SUSD1: variants seen among roughly 807,000 people sequenced by gnomAD.
The protein encoded by SUSD1 is sushi domain-containing protein 1.
SUSD1 carries 65 observed loss-of-function variants against 86.9 expected under a neutral mutation model. The ratio of observed to expected loss-of-function variants is 0.75; its 90% CI spans 0.61 to 0.92. The LOEUF (loss-of-function observed/expected upper bound fraction) is 0.92, where lower values mean the gene tolerates loss of function less well. SUSD1 is among the 40% of genes least tolerant of loss of function. The probability of loss-of-function intolerance (pLI) is 0.00; values close to 1 mark genes in which losing one functional copy is unlikely to be tolerated. For missense variants in SUSD1, 850 were observed against 929.7 expected, an observed-to-expected ratio of 0.91 and a Z score of 1.11; for synonymous variants, 346 against 350.0, an observed-to-expected ratio of 0.99 and a Z score of 0.13.
At chr9:112,164,771 C>T (rs1833708076) in intron 1 of SUSD1, among the ~76,000 whole-genome samples, 3 of 152,144 alleles carry the variant, frequency 2.0e-5, no homozygotes, top group South Asian at 4.2e-4. Context: ...GGTGAAACCC[C>T]ATCTCTACTA....
chr9:112,135,643 T>C (rs1026141590), intron 5 of SUSD1, among the ~76,000 whole-genome samples: 1 of 152,176 alleles, frequency 6.6e-6, no homozygotes, highest in Non-Finnish European at 1.5e-5. Context: ...GGAAAATAAA[T>C]AAATAAGGTA....
intron 8 of SUSD1, among the ~76,000 whole-genome samples, chr9:112,108,813 G>GAAAA (rs796550552): frequency 3.0e-5 from 3 of 98,510 alleles, no homozygotes; most frequent in African/African-American, 3.5e-5. Context: ...AAGAAAGAAA[G>GAAAA]AAAAAAAAAA....
chr9:112,156,032 G>C (rs550682011), intron 2 of SUSD1, among the ~76,000 whole-genome samples: 1 of 151,566 alleles, frequency 6.6e-6, no homozygotes, highest in African/African-American at 2.4e-5. Flanking sequence ...AGAGAGAGAA[G>C]GAAGAGAAGA....
Position 112,102,212 on chromosome 9 carries a change from C to T in SUSD1, c.1245G>A (p.Arg415=). ...GTTCTGATCCAACTTTCCTAGAACG[C>T]CTGTTCAATTTCAAACAAGTTTCAT... ...IFNETCLKLN[R]RSRKVGSEHM... Residue 415 remains arginine (R), a synonymous_variant, in exon 9 of 17, where the codon AGG becomes AGA. Transcript: ENST00000374270. The T allele has an allele frequency of 6.2e-7, 1 of 1,602,324 alleles. No homozygotes were observed. Among genetic ancestry groups the T allele is most frequent in the Admixed American group, 1.7e-5 (1 of 57,938 alleles).
At chr9:112,052,352 G>C in intron 15 of SUSD1, 47 bp downstream of exon 15, 1 of 1,613,376 alleles carries the variant, frequency 6.2e-7, no homozygotes, top group Non-Finnish European at 8.5e-7. Flanking sequence ...ACTTGATGCT[G>C]CAGAAAAGAA....
At chr9:112,141,097 C>T (rs779436851) in intron 5 of SUSD1, among the ~76,000 whole-genome samples, 3 of 152,106 alleles carry the variant, frequency 2.0e-5, no homozygotes, top group Non-Finnish European at 2.9e-5. Context: ...AATGTGAAGG[C>T]CTAGGACATT....
Position 112,155,770 on chromosome 9 carries a change from C to T in SUSD1, c.217+1730G>A, listed in dbSNP as rs563126787. ...TGAGCCCAGGAGCTCAAGACCACCC[C>T]GGGCAATGTAGTGAGACCCTGTATC... On this transcript the variant is annotated intron_variant, in intron 2 of 16. Coordinates refer to ENST00000374270, the MANE Select transcript of SUSD1 (RefSeq NM_022486.5). 2.3e-4 allele frequency among the ~76,000 whole-genome samples: 35 copies of T among 151,112 alleles called. No homozygotes were observed. In the South Asian group the frequency reaches 5.3e-3, roughly 23 times the overall value.
At position 112,151,113 on chromosome 9, in the gene SUSD1, C is replaced by T. The variant is rs75779393; in HGVS notation, c.218-1714G>A. Among the ~76,000 whole-genome samples, 342 of 152,266 alleles carry T rather than the reference C, an allele frequency of 2.2e-3. 1 individual carries two copies. Among genetic ancestry groups the T allele is most frequent in the Non-Finnish European group, 3.7e-3 (249 of 68,020 alleles). ...ACAAGCCATCGTGCCCAGTTAATTT[C>T]TAGTTTCTAATTGTAGAGATCAGCT... On this transcript the variant is annotated intron_variant, in intron 2 of 16. Coordinates refer to ENST00000374270, the MANE Select transcript of SUSD1 (RefSeq NM_022486.5).
intron 12 of SUSD1, among the ~76,000 whole-genome samples, chr9:112,064,046 T>TTTG (rs1491139474): frequency 1.3e-5 from 1 of 78,654 alleles, no homozygotes; most frequent in African/African-American, 4.0e-5. Context: ...TTTCTTTTTT[T>TTTG]GGGGGGGGGG....
chr9:112,148,837 C>T (rs1832918072), intron 3 of SUSD1, among the ~76,000 whole-genome samples: 1 of 151,374 alleles, frequency 6.6e-6, no homozygotes. Flanking sequence ...ACCCAGGAGG[C>T]GGAGGTTACA....
intron 1 of SUSD1, among the ~76,000 whole-genome samples, chr9:112,171,815 C>T (rs1180190186): frequency 1.3e-5 from 2 of 152,160 alleles, no homozygotes; most frequent in African/African-American, 4.8e-5. Context: ...ATGTTTGAGT[C>T]TGTTTTGCAT....
At chr9:112,056,221 C>T (rs781116779) in intron 14 of SUSD1, among the ~76,000 whole-genome samples, 1 of 151,902 alleles carries the variant, frequency 6.6e-6, no homozygotes, top group Non-Finnish European at 1.5e-5. Context: ...GAGCTATGAT[C>T]GTGCCACTGC....
At chr9:112,114,100 C>A (rs552338261) in intron 6 of SUSD1, among the ~76,000 whole-genome samples, 2 of 152,192 alleles carry the variant, frequency 1.3e-5, no homozygotes, top group African/African-American at 4.8e-5. Flanking sequence ...GATACAAGGT[C>A]AATGTACAAA....
intron 1 of SUSD1, among the ~76,000 whole-genome samples, chr9:112,172,789 C>T (rs2131873166): frequency 6.6e-6 from 1 of 152,310 alleles, no homozygotes; most frequent in Admixed American, 6.5e-5. Flanking sequence ...TGGGCCCAGT[C>T]CTCAGAACTT....
At chr9:112,073,786 G>C (rs1022478945) in intron 12 of SUSD1, among the ~76,000 whole-genome samples, 2 of 152,116 alleles carry the variant, frequency 1.3e-5, no homozygotes, top group Non-Finnish European at 2.9e-5. Context: ...CCCGCTACTT[G>C]GGAGGTCGGG....
In SUSD1 at chr9:112,165,938, GAAAGAAGA is replaced by G. The variant is rs1220003335; in HGVS notation, c.104-8333_104-8326del. Among the ~76,000 whole-genome samples the G allele has an allele frequency of 2.5e-3, 266 of 104,634 alleles. 1 individual carries two copies. Among genetic ancestry groups the G allele is most frequent in the East Asian group, 4.6e-3 (18 of 3,898 alleles). 68.6% of individuals were successfully genotyped at this position (104,634 alleles called of 152,430 possible). The stretch of plus-strand genomic sequence containing the variant: ...GGAAGAAAGAAAAGAAAGAAAGAAA[GAAAGAAGA>G]AAGAAAGAAAGAAAGAAAGAAAGAA... On this transcript the variant is annotated intron_variant, in intron 1 of 16. Coordinates refer to ENST00000374270, the MANE Select transcript of SUSD1 (RefSeq NM_022486.5).
At chr9:112,156,808 T>C (rs1051439310) in intron 2 of SUSD1, among the ~76,000 whole-genome samples, 3 of 152,196 alleles carry the variant, frequency 2.0e-5, no homozygotes, top group African/African-American at 7.2e-5. Flanking sequence ...CATCAATATT[T>C]TTAATGCATA....
intron 3 of SUSD1, 29 bp downstream of exon 3, chr9:112,149,215 G>A (rs757704468): frequency 6.2e-7 from 1 of 1,611,754 alleles, no homozygotes. Context: ...ATCGCCAATT[G>A]TCAACACCGC....
chr9:112,112,799 C>G lies in SUSD1; in HGVS notation c.956G>C (p.Arg319Thr). 1 of 1,612,978 alleles carries G rather than the reference C, an allele frequency of 6.2e-7. No individual in the cohort carries two copies. Among genetic ancestry groups the G allele is most frequent in the Non-Finnish European group, 8.5e-7 (1 of 1,179,004 alleles). ...DTCVRWQINS[R>T]RINPKISYVI... Reference sequence around the variant, plus strand: ...ATATGAGATCTTGGGGTTTATTCTTCTTGAGTTTATTTGCCATCTCACACA... The same window carrying G: ...ATATGAGATCTTGGGGTTTATTCTTGTTGAGTTTATTTGCCATCTCACACA... The change falls in exon 7 of 17, where the codon AGA becomes ACA. Residue 319 changes from arginine (R) to threonine (T), a missense_variant. By Grantham distance (71) the Arg-to-Thr change is moderately conservative. Transcript: ENST00000374270.
Sources: gnomAD v4.1 joint callset for allele counts (sites outside exome capture counted in the v4.1 genomes callset) on GRCh38, gnomAD v4.1.1 for gene constraint, MANE v1.5 for transcripts, NCBI Gene and HGNC (gene_info 2026-07-23, HGNC 2026-07-21) for gene names.